The following KIAA0319L variants were observed in gnomAD, a reference collection of about 807,000 sequenced individuals.
KIAA0319L encodes KIAA0319 like.
A neutral mutation model predicts 120.1 loss-of-function variants in KIAA0319L; 55 were observed. That is an observed-to-expected ratio of 0.46 (90% CI 0.37 to 0.57). KIAA0319L has a LOEUF of 0.57. KIAA0319L is among the 20% of genes least tolerant of loss of function. The probability of loss-of-function intolerance (pLI) is 0.00; values close to 1 mark genes in which losing one functional copy is unlikely to be tolerated. For synonymous variants in KIAA0319L, 398 were observed against 471.9 expected, an observed-to-expected ratio of 0.84 and a Z score of 2.03; for missense variants, 1,049 against 1,255.3, an observed-to-expected ratio of 0.84 and a Z score of 2.48.
Position 35,441,080 on chromosome 1 carries a change from C to A in KIAA0319L, c.2929G>T (p.Glu977Ter). ...GAGGTTGGCTTCAGCTCCAGGCTTT[C>A]CTGATCCGTGGCATCCAGGATCTTG... ...KYKILDATDQ[E>*]SLELKPTSRA... Residue 977 changes from glutamate (E) to a stop codon, truncating the protein, a stop_gained, in exon 20 of 21, where the codon GAA becomes TAA. Transcript: ENST00000325722. LOFTEE classifies it high-confidence loss of function. 1 of 1,614,196 alleles carries A rather than the reference C, an allele frequency of 6.2e-7. No homozygotes were observed.
At chr1:35,446,418 C>G (rs1453325495) in intron 16 of KIAA0319L, among the ~76,000 whole-genome samples, 2 of 152,204 alleles carry the variant, frequency 1.3e-5, no homozygotes, top group Non-Finnish European at 2.9e-5. Flanking sequence ...AATCCTACCT[C>G]CCATATTATT....
In KIAA0319L at chr1:35,450,362, G is replaced by C. The variant is rs1641968001; in HGVS notation, c.2210C>G (p.Ala737Gly). 6.2e-7 allele frequency: 1 copy of C among 1,612,946 alleles called. No individual in the cohort carries two copies. ...TCCAGCTCCTAGCACACTTACCCCT[G>C]CTGCTGGGCTCCCCTCATCTCGAGT... ...LWTRDEGSPA[A>G]GEVLNHSDHH... Residue 737 changes from alanine to glycine, a missense_variant, in exon 14 of 21, where the codon GCA becomes GGA. Transcript: ENST00000325722.
intron 2 of KIAA0319L, among the ~76,000 whole-genome samples, chr1:35,541,333 CTTT>C (rs768545066): frequency 5.1e-5 from 6 of 117,342 alleles, no homozygotes; most frequent in Non-Finnish European, 1.1e-4. Flanking sequence ...CAAGCTACTT[CTTT>C]TTTTTTTTTT....
intron 2 of KIAA0319L, among the ~76,000 whole-genome samples, chr1:35,533,688 A>G (rs1570981926): frequency 1.3e-5 from 2 of 152,220 alleles, no homozygotes; most frequent in East Asian, 3.8e-4. Context: ...GTCTTCCTAC[A>G]GCTATCATCA....
intron 4 of KIAA0319L, among the ~76,000 whole-genome samples, chr1:35,477,559 C>A (rs953399319): frequency 4.7e-5 from 7 of 150,040 alleles, no homozygotes; most frequent in African/African-American, 1.7e-4. Context: ...CCCAGCTACT[C>A]GGGAGGCTGA....
intron 7 of KIAA0319L, among the ~76,000 whole-genome samples, chr1:35,465,640 T>C (rs910062825): frequency 3.3e-5 from 5 of 152,070 alleles, no homozygotes; most frequent in Non-Finnish European, 5.9e-5. Flanking sequence ...GGTTTTGAAA[T>C]GTGAGGACAT....
chr1:35,500,435 T>C (rs1233265224), intron 3 of KIAA0319L, among the ~76,000 whole-genome samples: 11 of 134,388 alleles, frequency 8.2e-5, no homozygotes, highest in Admixed American at 5.6e-4. Context: ...CCTCTTTAAG[T>C]TGAGAAACGG....
chr1:35,544,159 G>C (rs951525473), intron 2 of KIAA0319L, among the ~76,000 whole-genome samples: 1 of 152,044 alleles, frequency 6.6e-6, no homozygotes, highest in Non-Finnish European at 1.5e-5. Context: ...CCTGCGCTCA[G>C]GAGTTCGAGA....
chr1:35,482,741 T>C (rs1644227100), intron 3 of KIAA0319L, among the ~76,000 whole-genome samples: 1 of 152,170 alleles, frequency 6.6e-6, no homozygotes, highest in Non-Finnish European at 1.5e-5. Flanking sequence ...TACAAGTCTT[T>C]GTATGGACAT....
intron 2 of KIAA0319L, among the ~76,000 whole-genome samples, chr1:35,521,700 C>T (rs991926028): frequency 6.6e-6 from 1 of 150,960 alleles, no homozygotes; most frequent in African/African-American, 2.4e-5. Context: ...AGGCCGAGAG[C>T]GGTGGCTCAC....
At chr1:35,556,541 G>A (rs959808621) in intron 1 of KIAA0319L, 3 of 152,196 alleles carry the variant, frequency 2.0e-5, no homozygotes, top group African/African-American at 7.2e-5. Context: ...GTTCTGGGAG[G>A]TCGTCTTTCC....
intron 20 of KIAA0319L, among the ~76,000 whole-genome samples, chr1:35,438,375 C>A (rs1310619395): frequency 1.3e-5 from 2 of 152,132 alleles, no homozygotes. Flanking sequence ...ACGCCTTGGC[C>A]AGCAGACCAC....
chr1:35,554,552 C>G, intron 1 of KIAA0319L, 33 bp from the exon 2 acceptor site: 1 of 1,298,428 alleles, frequency 7.7e-7, no homozygotes, highest in Non-Finnish European at 1.0e-6. Context: ...AATTACATGC[C>G]GAGTAATTAA....
chr1:35,479,256 A>C, intron 3 of KIAA0319L, 44 bp from the exon 4 acceptor site: 1 of 1,535,250 alleles, frequency 6.5e-7, no homozygotes, highest in Non-Finnish European at 8.9e-7. Context: ...AAAGTTACAT[A>C]ATTTTTCAGG....
chr1:35,461,947 G>C (rs759517646), intron 8 of KIAA0319L, among the ~76,000 whole-genome samples: 1 of 152,058 alleles, frequency 6.6e-6, no homozygotes, highest in Non-Finnish European at 1.5e-5. Context: ...AAGACAGTCA[G>C]GGTAAAGGAC....
At chr1:35,512,280 T>TA (rs1215269032) in intron 2 of KIAA0319L, among the ~76,000 whole-genome samples, 1 of 78,352 alleles carries the variant, frequency 1.3e-5, no homozygotes, top group Non-Finnish European at 2.7e-5. Context: ...AAAAAATAAA[T>TA]AAATAAAATA....
At chr1:35,515,695 T>C (rs1189309420) in intron 2 of KIAA0319L, among the ~76,000 whole-genome samples, 2 of 151,612 alleles carry the variant, frequency 1.3e-5, no homozygotes, top group Non-Finnish European at 2.9e-5. Flanking sequence ...AGACAAGAAA[T>C]AACCAAAATC....
At chr1:35,522,169 T>C (rs1026076990) in intron 2 of KIAA0319L, among the ~76,000 whole-genome samples, 1 of 152,116 alleles carries the variant, frequency 6.6e-6, no homozygotes, top group African/African-American at 2.4e-5. Context: ...TATGCACATA[T>C]AGGCTATTTT....
chr1:35,525,269 CA>C (rs1646080291), intron 2 of KIAA0319L, among the ~76,000 whole-genome samples: 1 of 152,090 alleles, frequency 6.6e-6, no homozygotes, highest in South Asian at 2.1e-4. Flanking sequence ...CACTTAATTC[CA>C]TATCTTTGCT....
Sources: gnomAD v4.1 joint callset for allele counts (sites outside exome capture counted in the v4.1 genomes callset) on GRCh38, gnomAD v4.1.1 for gene constraint, MANE v1.5 for transcripts, NCBI Gene and HGNC (gene_info 2026-07-23, HGNC 2026-07-21) for gene names.